PTPRD: variants seen among roughly 807,000 people sequenced by gnomAD.
The protein encoded by PTPRD is protein tyrosine phosphatase receptor type D.
A neutral mutation model predicts 214.5 loss-of-function variants in PTPRD; 34 were observed. That is an observed-to-expected ratio of 0.16 (90% confidence interval 0.12 to 0.21). The LOEUF is 0.21. Among genes scored for constraint, PTPRD ranks in the 10% least tolerant of loss-of-function variants. The pLI is 1.00. For synonymous variants in PTPRD, 1,128 were observed against 845.7 expected (o/e 1.33, Z -5.79); for missense variants, 2,545 against 2,398.7 (o/e 1.06, Z -1.27).
chr9:9,645,910 T>C (rs964245285), intron 7 of PTPRD, among the ~76,000 whole-genome samples: 1 of 152,214 alleles, frequency 6.6e-6, no homozygotes, highest in Non-Finnish European at 1.5e-5. Context: ...TTATTAATTG[T>C]TGTGGATACA....
chr9:9,398,083 C>A (rs1260615389), intron 8 of PTPRD, among the ~76,000 whole-genome samples: 2 of 151,670 alleles, frequency 1.3e-5, no homozygotes, highest in Non-Finnish European at 2.9e-5. Context: ...ATCATAAGCC[C>A]ACCTTCCCTT....
chr9:8,468,910 A>G (rs1177280012), intron 31 of PTPRD, among the ~76,000 whole-genome samples: 1 of 151,834 alleles, frequency 6.6e-6, no homozygotes, highest in Non-Finnish European at 1.5e-5. Flanking sequence ...TACAAGATGT[A>G]CTGGAGGTAA....
At chr9:9,242,192 T>C (rs1347092554) in intron 9 of PTPRD, among the ~76,000 whole-genome samples, 1 of 152,228 alleles carries the variant, frequency 6.6e-6, no homozygotes, top group African/African-American at 2.4e-5. Flanking sequence ...TTCTGGCTTG[T>C]AGAGTTTCTG....
chr9:8,837,025 C>CTT (rs1183213879), intron 11 of PTPRD, among the ~76,000 whole-genome samples: 29 of 125,178 alleles, frequency 2.3e-4, no homozygotes, highest in African/African-American at 6.1e-4. Flanking sequence ...CCACACCCAG[C>CTT]TTTTTTTTTT....
intron 3 of PTPRD, among the ~76,000 whole-genome samples, chr9:10,198,644 G>A (rs1444047339): frequency 6.6e-6 from 1 of 152,050 alleles, no homozygotes; most frequent in Admixed American, 6.6e-5. Context: ...TTTTACTGAT[G>A]GTGGTTAATC....
At chr9:8,428,734 A>C (rs2094855382) in intron 35 of PTPRD, among the ~76,000 whole-genome samples, 1 of 152,160 alleles carries the variant, frequency 6.6e-6, no homozygotes, top group Non-Finnish European at 1.5e-5. Context: ...ATTCTTGAAT[A>C]CATGTCCCCC....
At chr9:10,492,597 T>C (rs894861646) in intron 2 of PTPRD, among the ~76,000 whole-genome samples, 37 of 152,192 alleles carry the variant, frequency 2.4e-4, no homozygotes, top group African/African-American at 8.7e-4. Flanking sequence ...ACATTCCTTG[T>C]AGATTCTGGA....
intron 5 of PTPRD, among the ~76,000 whole-genome samples, chr9:9,882,467 T>A (rs994384647): frequency 6.6e-6 from 1 of 152,132 alleles, no homozygotes; most frequent in Non-Finnish European, 1.5e-5. Context: ...GGCTTGAGGA[T>A]GAAGGGTACT....
At chr9:9,860,643 C>T (rs1406773756) in intron 5 of PTPRD, among the ~76,000 whole-genome samples, 1 of 152,170 alleles carries the variant, frequency 6.6e-6, no homozygotes, top group African/African-American at 2.4e-5. Context: ...GGAAAACAGG[C>T]AAAAGCTAGA....
intron 6 of PTPRD, among the ~76,000 whole-genome samples, chr9:9,751,448 C>T (rs1359177): frequency 0.12 from 18,290 of 151,956 alleles, 1,827 homozygotes; most frequent in African/African-American, 0.27. Context: ...ATAATGACTA[C>T]CTTTTATAAA....
intron 5 of PTPRD, among the ~76,000 whole-genome samples, chr9:9,927,137 T>A (rs1021441789): frequency 6.6e-6 from 1 of 152,188 alleles, no homozygotes; most frequent in Non-Finnish European, 1.5e-5. Context: ...TTAACCAGTA[T>A]AAAATATTGA....
chr9:8,517,806 G>GA, intron 21 of PTPRD, 42 bp downstream of exon 21: 1 of 1,531,558 alleles, frequency 6.5e-7, no homozygotes. Flanking sequence ...CTTTGCACCA[G>GA]CCCTTCCCTC....
intron 8 of PTPRD, among the ~76,000 whole-genome samples, chr9:9,399,749 C>G (rs897857003): frequency 5.3e-5 from 8 of 152,010 alleles, no homozygotes; most frequent in African/African-American, 1.9e-4. Context: ...TTGCTTGCTA[C>G]CATGCAAGAC....
intron 2 of PTPRD, among the ~76,000 whole-genome samples, chr9:10,436,908 A>G (rs376204452): frequency 2.6e-5 from 4 of 151,922 alleles, no homozygotes; most frequent in African/African-American, 9.6e-5. Flanking sequence ...GGAACTAAAT[A>G]TGTACTAAAT....
At chr9:8,523,405 T>C in intron 19 of PTPRD, 108 bp downstream of exon 19, 2 of 1,343,348 alleles carry the variant, frequency 1.5e-6, no homozygotes, top group Non-Finnish European at 2.1e-6. Flanking sequence ...AACATACCAT[T>C]AACCAAAAGA....
At chr9:9,286,316 C>T (rs548978835) in intron 9 of PTPRD, among the ~76,000 whole-genome samples, 3 of 151,916 alleles carry the variant, frequency 2.0e-5, no homozygotes, top group South Asian at 2.1e-4. Flanking sequence ...AGATGAGTCC[C>T]AGCAGGGCTA....
Position 8,339,040 on chromosome 9 carries a change from C to T in PTPRD, c.5261G>A (p.Cys1754Tyr). 6.2e-7 allele frequency: 1 copy of T among 1,610,982 alleles called. No homozygotes were observed. The highest frequency in any genetic ancestry group is 8.5e-7 in the Non-Finnish European group (1 of 1,178,046). Residue 1754 changes from cysteine to tyrosine, a missense_variant, in exon 43 of 46, where the codon TGT (cysteine) becomes TAT (tyrosine). Physicochemically the swap from Cys to Tyr is radical, Grantham distance 194 (BLOSUM62 -2). Coordinates refer to ENST00000381196, the MANE Select transcript of PTPRD (RefSeq NM_002839.4). ...TKLREMGREK[C>Y]HQYWPAERSA... Reference sequence around the variant, plus strand: ...CCGTTCTGCTGGCCAGTATTGGTGACATTTCTCCTAAAAGGAGAGAAGATT... The same window carrying T: ...CCGTTCTGCTGGCCAGTATTGGTGATATTTCTCCTAAAAGGAGAGAAGATT...
intron 7 of PTPRD, among the ~76,000 whole-genome samples, chr9:9,591,718 A>G (rs184950179): frequency 1.8e-3 from 269 of 152,226 alleles, no homozygotes; most frequent in African/African-American, 5.7e-3. Flanking sequence ...TTTGTGTGGT[A>G]CAGTGGGATG....
At chr9:9,662,177 G>C (rs552388318) in intron 7 of PTPRD, among the ~76,000 whole-genome samples, 1 of 151,578 alleles carries the variant, frequency 6.6e-6, no homozygotes, top group African/African-American at 2.4e-5. Flanking sequence ...TTGAGAGCTT[G>C]GAAGGCAGTC....
Sources: allele counts gnomAD v4.1 joint callset (sites outside exome capture counted in the v4.1 genomes callset), GRCh38; gene constraint gnomAD v4.1.1; transcripts MANE v1.5; gene names NCBI Gene and HGNC (gene_info 2026-07-23, HGNC 2026-07-21).